The following TLK1 variants were observed in gnomAD, a reference collection of about 807,000 sequenced individuals.
TLK1 encodes serine/threonine-protein kinase tousled-like 1.
Under a neutral mutation model 105.3 loss-of-function variants are expected in TLK1, and 24 were observed. The ratio of observed to expected loss-of-function variants is 0.23; its 90% CI spans 0.17 to 0.32. TLK1 has a LOEUF of 0.32. Among genes scored for constraint, TLK1 ranks in the 10% least tolerant of loss-of-function variants. The pLI is 1.00. For missense variants in TLK1, 558 were observed against 910.5 expected, an observed-to-expected ratio of 0.61 and a Z score of 4.98; for synonymous variants, 321 against 310.4, an observed-to-expected ratio of 1.03 and a Z score of -0.36.
chr2:171,120,248 G>GACA (rs1303697881), intron 1 of TLK1, among the ~76,000 whole-genome samples: 1 of 47,048 alleles, frequency 2.1e-5, no homozygotes, highest in Non-Finnish European at 3.8e-5. Flanking sequence ...GACTCCGTCA[G>GACA]AAAAAAAAAA....
chr2:171,177,033 A>G (rs1692841811), intron 1 of TLK1, among the ~76,000 whole-genome samples: 1 of 152,060 alleles, frequency 6.6e-6, no homozygotes, highest in South Asian at 2.1e-4. Context: ...GGGTTTTGCC[A>G]TGTTGGCCAG....
intron 10 of TLK1, among the ~76,000 whole-genome samples, chr2:171,048,990 T>C (rs1687097912): frequency 6.6e-6 from 1 of 152,226 alleles, no homozygotes; most frequent in African/African-American, 2.4e-5. Flanking sequence ...ATATGGTAAC[T>C]ATAATTCCTC....
chr2:171,215,516 C>T (rs377409264), intron 1 of TLK1, among the ~76,000 whole-genome samples: 2 of 152,112 alleles, frequency 1.3e-5, no homozygotes, highest in Admixed American at 6.6e-5. Flanking sequence ...AAGACAGGCA[C>T]GGTGATGTAT....
intron 3 of TLK1, among the ~76,000 whole-genome samples, chr2:171,073,838 G>A (rs915550586): frequency 6.7e-6 from 1 of 149,024 alleles, no homozygotes; most frequent in Non-Finnish European, 1.5e-5. Context: ...ATGATTATTT[G>A]TCTTAATAAC....
At chr2:171,024,054 T>TA (rs1257919733) in intron 12 of TLK1, among the ~76,000 whole-genome samples, 2 of 152,172 alleles carry the variant, frequency 1.3e-5, no homozygotes, top group Non-Finnish European at 2.9e-5. Flanking sequence ...AACAACTTTT[T>TA]AAAGATAGGA....
intron 1 of TLK1, among the ~76,000 whole-genome samples, chr2:171,222,149 G>C (rs1693820830): frequency 6.6e-6 from 1 of 152,138 alleles, no homozygotes; most frequent in Admixed American, 6.6e-5. Flanking sequence ...CAACCTACAA[G>C]CCAGCTATAA....
Position 171,014,867 on chromosome 2 carries a change from T to G in TLK1, c.1318A>C (p.Asn440His). 1 of 1,612,574 alleles carries G rather than the reference T, an allele frequency of 6.2e-7. No individual in the cohort carries two copies. The highest frequency in any genetic ancestry group is 1.1e-5 in the South Asian group (1 of 90,992). The part of the protein sequence containing the change: ...LHIRELKRIN[N>H]EDNSQFKDHP... ...ATGACTTACTGTGAATTATCTTCAT[T>G]GTTTATTCTTTTCAGCTCACGTATG... The change falls in exon 13 of 21, where the codon AAT (asparagine) becomes CAT (histidine). Residue 440 changes from asparagine to histidine, a missense_variant. Physicochemically the swap from Asn to His is moderately conservative, Grantham distance 68. Coordinates refer to ENST00000431350, the MANE Select transcript of TLK1 (RefSeq NM_012290.5).
rs375331928 is a variant in TLK1, at chr2:171,059,908, C to A, written c.406+1173G>T. The stretch of plus-strand genomic sequence containing the variant: ...GGCCGAGCTTAGGCGGTAATGCTCA[C>A]TGGCCCGCTGCTCACCTCCTGCTGT... On this transcript the variant is annotated intron_variant, in intron 4 of 20. Coordinates refer to ENST00000431350, the MANE Select transcript of TLK1 (RefSeq NM_012290.5). 1,229 of 1,284,780 alleles carry A rather than the reference C, an allele frequency of 9.6e-4. 8 individuals are homozygous for A. The African/African-American group carries it at 0.015, about 15-fold the overall frequency. The allele number at this position is 1,284,780 out of a possible 1,614,324, so 79.6% of individuals were successfully genotyped here.
At chr2:171,138,056 T>C (rs1398783184) in intron 1 of TLK1, among the ~76,000 whole-genome samples, 6 of 151,994 alleles carry the variant, frequency 3.9e-5, no homozygotes, top group African/African-American at 7.2e-5. Context: ...TACAATAAAA[T>C]TATTGAGAAC....
intron 1 of TLK1, among the ~76,000 whole-genome samples, chr2:171,219,234 T>C (rs1693765694): frequency 6.6e-6 from 1 of 152,216 alleles, no homozygotes; most frequent in Non-Finnish European, 1.5e-5. Context: ...GCACACCCTC[T>C]GTAGTCTCCA....
At chr2:170,997,654 G>C in intron 19 of TLK1, 58 bp downstream of exon 19, 1 of 1,181,432 alleles carries the variant, frequency 8.5e-7, no homozygotes, top group Non-Finnish European at 1.2e-6. Context: ...CTTTTAAGAA[G>C]GAAAAATTCA....
chr2:171,022,289 C>T (rs1310453231), intron 12 of TLK1, among the ~76,000 whole-genome samples: 3 of 152,060 alleles, frequency 2.0e-5, no homozygotes, highest in Admixed American at 2.0e-4. Context: ...ACTGAGTTTT[C>T]CCATCTACAG....
At position 171,182,935 on chromosome 2, in the gene TLK1, AAAAGAAAGAAAG is replaced by A. The variant is rs750018547; in HGVS notation, c.-6+48198_-6+48209del. ...AAACCCTGACTCCAAAAAAAAAAAA[AAAAGAAAGAAAG>A]AAAGAAAGAAAGAAAGAAAGAACAT... On this transcript the variant is annotated intron_variant, in intron 1 of 20. Transcript: ENST00000521943. Among the ~76,000 whole-genome samples the A allele has an allele frequency of 2.4e-3, 308 of 128,828 alleles. 1 individual carries two copies. Among genetic ancestry groups the A allele is most frequent in the Non-Finnish European group, 3.9e-3 (247 of 63,796 alleles). The allele number at this position is 128,828 out of a possible 152,430, so 84.5% of individuals were successfully genotyped here.
chr2:171,036,193 C>T (rs1686324614), intron 11 of TLK1, among the ~76,000 whole-genome samples: 1 of 152,166 alleles, frequency 6.6e-6, no homozygotes, highest in Non-Finnish European at 1.5e-5. Context: ...GCCTGCAATC[C>T]CAGCACTTTG....
At chr2:171,083,792 T>C (rs1466090750) in intron 2 of TLK1, among the ~76,000 whole-genome samples, 1 of 152,160 alleles carries the variant, frequency 6.6e-6, no homozygotes, top group Non-Finnish European at 1.5e-5. Context: ...AGTACTATGC[T>C]GGATACTGTA....
intron 1 of TLK1, among the ~76,000 whole-genome samples, chr2:171,149,135 G>C (rs10168547): frequency 1.4e-5 from 1 of 73,632 alleles, no homozygotes; most frequent in Middle Eastern, 9.8e-3. Flanking sequence ...ACATTTCTAA[G>C]ATTTTCCTTA....
chr2:170,996,764 A>T lies in TLK1; in HGVS notation c.2017-4T>A, dbSNP rs750147824. 6.8e-6 allele frequency: 10 copies of T among 1,469,870 alleles called. No homozygotes were observed. The highest frequency in any genetic ancestry group is 2.4e-5 in the East Asian group (1 of 41,244). 91.1% of individuals were successfully genotyped at this position (1,469,870 alleles called of 1,614,324 possible). ...GAGATTGATTGTGACCAAATGGCTT[A>T]AAAAAAAAATTAAATGTTGAGATAC... On this transcript the variant is annotated splice_region_variant and splice_polypyrimidine_tract_variant and intron_variant, in intron 19 of 20. Transcript: ENST00000431350.
intron 1 of TLK1, among the ~76,000 whole-genome samples, chr2:171,183,674 T>C (rs967904353): frequency 2.0e-5 from 3 of 152,210 alleles, no homozygotes; most frequent in African/African-American, 7.2e-5. Flanking sequence ...ATAATTTAAA[T>C]ATTGGGCCAA....
intron 1 of TLK1, among the ~76,000 whole-genome samples, chr2:171,128,220 T>G (rs185600229): frequency 1.3e-5 from 2 of 152,158 alleles, no homozygotes; most frequent in African/African-American, 2.4e-5. Flanking sequence ...TTCTCTCTAC[T>G]GCCATGACCT....
Sources: gnomAD v4.1 joint callset for allele counts (sites outside exome capture counted in the v4.1 genomes callset) on GRCh38, gnomAD v4.1.1 for gene constraint, MANE v1.5 for transcripts, NCBI Gene and HGNC (gene_info 2026-07-23, HGNC 2026-07-21) for gene names.